The following DYNC2H1 variants were observed in gnomAD, a reference collection of about 807,000 sequenced individuals.
DYNC2H1 encodes cytoplasmic dynein 2 heavy chain 1.
Under a neutral mutation model 570.0 loss-of-function variants are expected in DYNC2H1, and 410 were observed. The observed-to-expected ratio is 0.72, with a 90% CI of 0.66 to 0.78. The LOEUF (loss-of-function observed/expected upper bound fraction) is 0.78. DYNC2H1 is among the 30% of genes least tolerant of loss of function. The probability of loss-of-function intolerance (pLI) is 0.00; values close to 1 mark genes in which losing one functional copy is unlikely to be tolerated. For synonymous variants in DYNC2H1, 1,688 were observed against 1,677.6 expected (o/e 1.01, Z -0.15); for missense variants, 4,865 against 5,046.4 (o/e 0.96, Z 1.09).
Position 103,114,172 on chromosome 11 carries a change from G to C in DYNC2H1, c.436G>C (p.Gly146Arg), listed in dbSNP as rs1449592872. 1.2e-6 allele frequency: 2 copies of C among 1,606,480 alleles called. No homozygotes were observed. The highest frequency in any genetic ancestry group is 1.3e-5 in the African/African-American group (1 of 74,774). Reference protein sequence around the residue: ...NLLSELEAGLGIVLRRSDTNL... With the variant: ...NLLSELEAGLRIVLRRSDTNL... ...TTTGAGTGAACTAGAAGCTGGGTTGGGTATAGTTCTACGAAGATCAGACAC... is the reference window on the plus strand; with the variant it reads ...TTTGAGTGAACTAGAAGCTGGGTTGCGTATAGTTCTACGAAGATCAGACAC... Residue 146 changes from glycine to arginine, a missense_variant, in exon 3 of 89, where the codon GGT (glycine) becomes CGT (arginine). Around this residue, in one of 5 missense-constraint regions of DYNC2H1, gnomAD observed 1,936 missense variants for 1,962.1 expected, o/e 0.99. Coordinates refer to ENST00000375735, the MANE Select transcript of DYNC2H1 (RefSeq NM_001377.3).
chr11:103,393,907 T>G (rs1475777316), intron 83 of DYNC2H1, among the ~76,000 whole-genome samples: 1 of 152,174 alleles, frequency 6.6e-6, no homozygotes, highest in African/African-American at 2.4e-5. Flanking sequence ...ACTATCAGAT[T>G]TCATGAGACT....
In DYNC2H1 at chr11:103,165,212, C is replaced by T. The variant is rs1056097393; in HGVS notation, c.4612-686C>T. Among the ~76,000 whole-genome samples, 7 of 152,290 alleles carry T rather than the reference C, an allele frequency of 4.6e-5. No homozygotes were observed. The East Asian group carries it at 9.7e-4, about 21-fold the overall frequency. ...GTGCGATCTCAGCTCACTGCAACCT[C>T]CCCCTCTCAGGCTCAAGCGATTCTC... On this transcript the variant is annotated intron_variant, in intron 30 of 88. Transcript: ENST00000375735.
At chr11:103,165,135 T>G (rs1423172958) in intron 30 of DYNC2H1, among the ~76,000 whole-genome samples, 3 of 152,148 alleles carry the variant, frequency 2.0e-5, no homozygotes, top group African/African-American at 7.2e-5. Context: ...TACAGAATGT[T>G]TTAAGTTGCA....
chr11:103,389,350 C>A lies in DYNC2H1; in HGVS notation c.12157-10313C>A, dbSNP rs185843028. ...TTTCTGTGGGATCGGTGGTGATACCCCCTTTAACATTTTTTATTGCATCTA... is the reference window on the plus strand; with the variant it reads ...TTTCTGTGGGATCGGTGGTGATACCACCTTTAACATTTTTTATTGCATCTA... On this transcript the variant is annotated intron_variant, in intron 83 of 88. Transcript: ENST00000375735. Among the ~76,000 whole-genome samples the A allele has an allele frequency of 5.3e-4, 81 of 152,170 alleles. 1 individual carries two copies. Among genetic ancestry groups the A allele is most frequent in the African/African-American group, 1.8e-3 (76 of 41,514 alleles).
chr11:103,347,422 A>C (rs3906622), intron 82 of DYNC2H1, among the ~76,000 whole-genome samples: 32,896 of 151,906 alleles, frequency 0.22, 3,694 homozygotes, highest in Admixed American at 0.31. Context: ...TATAGTAGTT[A>C]TATCATTTTT....
At chr11:103,419,789 C>T (rs375993016) in intron 84 of DYNC2H1, among the ~76,000 whole-genome samples, 3 of 151,986 alleles carry the variant, frequency 2.0e-5, no homozygotes, top group African/African-American at 4.8e-5. Context: ...GCTGAGATGG[C>T]GGAATTGACA....
intron 82 of DYNC2H1, among the ~76,000 whole-genome samples, chr11:103,342,319 T>C (rs2897970): frequency 0.22 from 32,814 of 151,718 alleles, 3,668 homozygotes; most frequent in Admixed American, 0.31. Flanking sequence ...CCCTATAAAA[T>C]GGACCAATCA....
At chr11:103,156,847 A>G in intron 26 of DYNC2H1, 77 bp downstream of exon 26, 2 of 1,520,480 alleles carry the variant, frequency 1.3e-6, no homozygotes, top group South Asian at 2.5e-5. Flanking sequence ...TGCTTAATAC[A>G]GGCAAATTAC....
intron 69 of DYNC2H1, 68 bp from the exon 70 acceptor site, chr11:103,259,820 A>C: frequency 9.3e-7 from 1 of 1,076,876 alleles, no homozygotes; most frequent in Non-Finnish European, 1.3e-6. Flanking sequence ...AATCTGGAGG[A>C]ACAATTTATA....
chr11:103,110,369 A>G (rs895874311), intron 1 of DYNC2H1, among the ~76,000 whole-genome samples: 1 of 151,520 alleles, frequency 6.6e-6, no homozygotes, highest in Non-Finnish European at 1.5e-5. Flanking sequence ...GAAAACATTT[A>G]CTTAGTTATT....
At chr11:103,176,608 T>C (rs1451138620) in intron 37 of DYNC2H1, among the ~76,000 whole-genome samples, 174 bp downstream of exon 37, 1 of 152,196 alleles carries the variant, frequency 6.6e-6, no homozygotes. Flanking sequence ...TGCTGTGTGC[T>C]CTTATCAAAT....
At position 103,133,565 on chromosome 11, in the gene DYNC2H1, C is replaced by G; in HGVS notation, c.1964C>G (p.Ala655Gly). The change falls in exon 14 of 89, where the codon GCA (alanine) becomes GGA (glycine). Residue 655 changes from alanine (A) to glycine (G), a missense_variant. Around this residue, in one of 5 missense-constraint regions of DYNC2H1, gnomAD observed 1,936 missense variants for 1,962.1 expected, o/e 0.99. Transcript: ENST00000375735. The surrounding 1 kb of genome is among the most constrained non-coding windows in gnomAD (Gnocchi z 4.8). ...TTTATTGTACCATAGAATTCAAAAG[C>G]AGGAAGTGGAGGGAAATCACAGATA... ...AFEQIIKNSK[A>G]GSGGKSQITW... The G allele has an allele frequency of 6.2e-7, 1 of 1,606,564 alleles. No individual in the cohort carries two copies.
chr11:103,182,010 T>C, intron 40 of DYNC2H1, 124 bp downstream of exon 40: 1 of 953,202 alleles, frequency 1.0e-6, no homozygotes, highest in Non-Finnish European at 1.5e-6. Context: ...AGGTGGATTT[T>C]GTCACTGCTA....
Position 103,148,565 on chromosome 11 carries a change from A to T in DYNC2H1, c.2894A>T (p.Glu965Val), listed in dbSNP as rs746163293. ...ACAATTATGCCCCAGTCTGTGGAAGAAATTGGTGATGCAAATCTACAATAT... is the reference window on the plus strand; with the variant it reads ...ACAATTATGCCCCAGTCTGTGGAAGTAATTGGTGATGCAAATCTACAATAT... The part of the protein sequence containing the change: ...VLTIMPQSVE[E>V]IGDANLQYSK... The change falls in exon 20 of 89, where the codon GAA becomes GTA. Residue 965 changes from glutamate (E) to valine (V), a missense_variant. Physicochemically the swap from Glu to Val is moderately radical, Grantham distance 121. Around this residue, in one of 5 missense-constraint regions of DYNC2H1, gnomAD observed 1,936 missense variants for 1,962.1 expected, o/e 0.99. Transcript: ENST00000375735. The T allele has an allele frequency of 2.5e-6, 4 of 1,570,398 alleles. No individual in the cohort carries two copies. The East Asian group carries it at 9.3e-5, about 37-fold the overall frequency.
intron 38 of DYNC2H1, among the ~76,000 whole-genome samples, chr11:103,178,674 C>G (rs1245740870): frequency 6.6e-6 from 1 of 151,962 alleles, no homozygotes; most frequent in Non-Finnish European, 1.5e-5. Context: ...ATGCAGGGAA[C>G]TGGAAATTGG....
At chr11:103,387,127 A>G (rs1226644525) in intron 83 of DYNC2H1, among the ~76,000 whole-genome samples, 1 of 152,160 alleles carries the variant, frequency 6.6e-6, no homozygotes, top group Non-Finnish European at 1.5e-5. Context: ...ACAGTGTAAA[A>G]GTGCTCCTAT....
chr11:103,477,561 G>C (rs1483532835), intron 88 of DYNC2H1, among the ~76,000 whole-genome samples: 1 of 152,156 alleles, frequency 6.6e-6, no homozygotes, highest in East Asian at 1.9e-4. Flanking sequence ...GCCGGATGCA[G>C]TGGCTCACGC....
At position 103,209,918 on chromosome 11, in the gene DYNC2H1, T is replaced by C. The variant is rs1863081094; in HGVS notation, c.8497T>C (p.Tyr2833His). 4 of 1,497,594 alleles carry C rather than the reference T, an allele frequency of 2.7e-6. No homozygotes were observed. Among genetic ancestry groups the C allele is most frequent in the African/African-American group, 2.8e-5 (2 of 70,456 alleles). The allele number at this position is 1,497,594 out of a possible 1,614,324, so 92.8% of individuals were successfully genotyped here. A position where few individuals can be genotyped will look rare whatever the true frequency, so the allele number is the denominator to read the frequency against. ...CAGTGAAACAGGTGGTGGAGAAAAA[T>C]ACAATGATAAAAAACGAAAAGAAGA... is the stretch of plus-strand genomic sequence containing the variant. ...LFSETGGGEK[Y>H]NDKKRKEEKK... The change falls in exon 53 of 89, where the codon TAC (tyrosine) becomes CAC (histidine). Residue 2833 changes from tyrosine (Y) to histidine (H), a missense_variant. This residue lies in a region of DYNC2H1 where 2,401 missense variants were observed against 2,454.6 expected (regional missense o/e 0.98). Coordinates refer to ENST00000375735, the MANE Select transcript of DYNC2H1 (RefSeq NM_001377.3). The surrounding 1 kb of genome is among the most constrained non-coding windows in gnomAD (Gnocchi z 4.2).
rs1298100671 is a variant in DYNC2H1 at position 103,186,875 on chromosome 11, C to T, written c.6893+374C>T. Among the ~76,000 whole-genome samples the T allele has an allele frequency of 6.6e-6, 1 of 151,666 alleles. No individual in the cohort carries two copies. Among genetic ancestry groups the T allele is most frequent in the African/African-American group, 2.4e-5 (1 of 41,330 alleles). ...AAGTAGCTTTTAATTCAGTGGAATT[C>T]AGCCTAGTTTTAGTTCATATGGAGC... On this transcript the variant is annotated intron_variant, in intron 42 of 88. Coordinates refer to ENST00000375735, the MANE Select transcript of DYNC2H1 (RefSeq NM_001377.3). The surrounding 1 kb of genome is among the most constrained non-coding windows in gnomAD (Gnocchi z 4.5).
Sources: allele counts gnomAD v4.1 joint callset (sites outside exome capture counted in the v4.1 genomes callset), GRCh38; gene constraint gnomAD v4.1.1; regional missense constraint gnomAD v4.1.1; non-coding constraint Gnocchi (gnomAD v3.1); transcripts MANE v1.5; gene names NCBI Gene and HGNC (gene_info 2026-07-23, HGNC 2026-07-21).